The following FBXO5 variants were observed in gnomAD, a reference collection of about 807,000 sequenced individuals.
FBXO5 encodes the protein F-box only protein 5.
A neutral mutation model predicts 43.3 loss-of-function variants in FBXO5; 8 were observed. The ratio of observed to expected loss-of-function variants is 0.18; its 90% confidence interval spans 0.11 to 0.33. The LOEUF is 0.33. Ranked by LOEUF, FBXO5 falls within the 10% of genes least tolerant of loss-of-function variation. FBXO5 has a pLI of 1.00. For missense variants in FBXO5, 491 were observed against 535.7 expected (o/e 0.92, Z 0.82); for synonymous variants, 204 against 193.7 (o/e 1.05, Z -0.44).
At position 152,983,008 on chromosome 6, in the gene FBXO5, A is replaced by T; in HGVS notation, c.-49T>A. On this transcript the variant is annotated 5_prime_UTR_variant, in exon 1 of 5. Transcript: ENST00000229758. The stretch of plus-strand genomic sequence containing the variant: ...CAGGTGGAGGAACCGCTCCGGGGGC[A>T]GCTGAGCAACCTGCCTGCTTCACAG... 1 of 1,198,966 alleles carries T rather than the reference A, an allele frequency of 8.3e-7. No individual in the cohort carries two copies. The highest frequency in any genetic ancestry group is 1.1e-6 in the Non-Finnish European group (1 of 916,668). The allele number at this position is 1,198,966 out of a possible 1,614,324, so 74.3% of individuals were successfully genotyped here. A position where few individuals can be genotyped will look rare whatever the true frequency, so the allele number is the denominator to read the frequency against.
rs1778284582 is a variant in FBXO5 at position 152,982,850 on chromosome 6, C to T, written c.103+7G>A. The T allele has an allele frequency of 6.7e-7, 1 of 1,500,194 alleles. No individual in the cohort carries two copies. The highest frequency in any genetic ancestry group is 8.8e-7 in the Non-Finnish European group (1 of 1,130,760). The allele number at this position is 1,500,194 out of a possible 1,614,324, so 92.9% of individuals were successfully genotyped here. Reference sequence around the variant, plus strand: ...GCGCCCCCCTCGCGACCGCTCCCCTCACTCACTATCCGAGGGTCGAGGGCG... The same window carrying T: ...GCGCCCCCCTCGCGACCGCTCCCCTTACTCACTATCCGAGGGTCGAGGGCG... On this transcript the variant is annotated splice_region_variant and intron_variant, in intron 1 of 4. Coordinates refer to ENST00000229758, the MANE Select transcript of FBXO5 (RefSeq NM_012177.5).
Position 152,971,087 on chromosome 6 carries a change from T to C in FBXO5, c.*76A>G, listed in dbSNP as rs961340205. 39 of 1,425,782 alleles carry C rather than the reference T, an allele frequency of 2.7e-5. No homozygotes were observed. Among genetic ancestry groups the C allele is most frequent in the Non-Finnish European group, 2.7e-5 (29 of 1,068,094 alleles). The allele number at this position is 1,425,782 out of a possible 1,614,324, so 88.3% of individuals were successfully genotyped here. On this transcript the variant is annotated 3_prime_UTR_variant, in exon 5 of 5. Coordinates refer to ENST00000229758, the MANE Select transcript of FBXO5 (RefSeq NM_012177.5). Reference sequence around the variant, plus strand: ...TTCAACATAAAATTGAAAATCACAATACAATTTTTTTTAAGTTAAAACCTA... The same window carrying C: ...TTCAACATAAAATTGAAAATCACAACACAATTTTTTTTAAGTTAAAACCTA...
At chr6:152,973,198 C>T in intron 2 of FBXO5, 62 bp from the exon 3 acceptor site, 2 of 1,337,848 alleles carry the variant, frequency 1.5e-6, no homozygotes, top group East Asian at 2.3e-5. Context: ...AAGATGAATA[C>T]AGTAGAAAAA....
At chr6:152,975,676 AC>A in intron 1 of FBXO5, 55 bp from the exon 2 acceptor site, 1 of 1,145,680 alleles carries the variant, frequency 8.7e-7, no homozygotes, top group East Asian at 2.3e-5. Context: ...ACACATCCCT[AC>A]TTCTTAAATT....
At chr6:152,973,278 G>C in intron 2 of FBXO5, 142 bp from the exon 3 acceptor site, 1 of 653,946 alleles carries the variant, frequency 1.5e-6, no homozygotes, top group South Asian at 2.1e-5. Flanking sequence ...CAATTGCCTG[G>C]CGGTTTTAAC....
chr6:152,972,297 T>C lies in FBXO5; in HGVS notation c.1067A>G (p.Tyr356Cys). The C allele has an allele frequency of 6.2e-7, 1 of 1,611,168 alleles. No homozygotes were observed. Among genetic ancestry groups the C allele is most frequent in the Non-Finnish European group, 8.5e-7 (1 of 1,178,266 alleles). ...SNQGDQKGST[Y>C]SRHNEFSEVA... ...CTCAGAGAATTCATTGTGTCGACTA[T>C]AAGTAGAACCTTTCTGATCACCTTG... Residue 356 changes from tyrosine (Y) to cysteine (C), a missense_variant, in exon 4 of 5, where the codon TAT (tyrosine) becomes TGT (cysteine). Physicochemically the swap from Tyr to Cys is radical, Grantham distance 194 (BLOSUM62 -2). Transcript: ENST00000229758.
chr6:152,978,711 G>A (rs1348358728), intron 1 of FBXO5, among the ~76,000 whole-genome samples: 1 of 152,162 alleles, frequency 6.6e-6, no homozygotes, highest in Non-Finnish European at 1.5e-5. Flanking sequence ...ATTTAGGTAA[G>A]GTGCAGTGGC....
intron 1 of FBXO5, among the ~76,000 whole-genome samples, chr6:152,981,945 C>A (rs183036875): frequency 3.3e-3 from 495 of 152,258 alleles, no homozygotes; most frequent in Non-Finnish European, 5.1e-3. Flanking sequence ...CCATTCTCTG[C>A]AAGCTTTGAA....
chr6:152,981,495 TAA>T (rs1778256502), intron 1 of FBXO5, among the ~76,000 whole-genome samples: 1 of 152,164 alleles, frequency 6.6e-6, no homozygotes, highest in Non-Finnish European at 1.5e-5. Flanking sequence ...AAGTAATCTT[TAA>T]GAGAAAATTT....
At position 152,975,468 on chromosome 6, in the gene FBXO5, C is replaced by T; in HGVS notation, c.257G>A (p.Cys86Tyr). 2 of 1,614,034 alleles carry T rather than the reference C, an allele frequency of 1.2e-6. No individual in the cohort carries two copies. Among genetic ancestry groups the T allele is most frequent in the Non-Finnish European group, 1.7e-6 (2 of 1,180,004 alleles). The change falls in exon 2 of 5, where the codon TGC becomes TAC. Residue 86 changes from cysteine (C) to tyrosine (Y), a missense_variant. Transcript: ENST00000229758. Reference sequence around the variant, plus strand: ...TGACAGCCTTTCATAGTCTTTAATGCAGTCTTTACAGGAACCTTCCAAATA... The same window carrying T: ...TGACAGCCTTTCATAGTCTTTAATGTAGTCTTTACAGGAACCTTCCAAATA... Reference protein sequence around the residue: ...PAYLEGSCKDCIKDYERLSCI... With the variant: ...PAYLEGSCKDYIKDYERLSCI...
chr6:152,982,326 C>A (rs1778273475), intron 1 of FBXO5, among the ~76,000 whole-genome samples: 1 of 152,110 alleles, frequency 6.6e-6, no homozygotes, highest in South Asian at 2.1e-4. Context: ...TCTCCCGCGC[C>A]CGCCAGCAAG....
At position 152,975,205 on chromosome 6, in the gene FBXO5, G is replaced by T; in HGVS notation, c.520C>A (p.Gln174Lys). Residue 174 changes from glutamine to lysine, a missense_variant, in exon 2 of 5, where the codon CAA becomes AAA. Gln to Lys is a moderately conservative substitution (Grantham distance 53). Coordinates refer to ENST00000229758, the MANE Select transcript of FBXO5 (RefSeq NM_012177.5). ...CTTTGTATTTGTAGCAGGCAGGATT[G>T]TAGACTGTCACCGAAATTCTCCTCC... ...LLEENFGDSL[Q>K]SCLLQIQSPD... is the part of the protein sequence containing the mutation. 1.2e-6 allele frequency: 2 copies of T among 1,614,162 alleles called. No homozygotes were observed. Among genetic ancestry groups the T allele is most frequent in the Non-Finnish European group, 1.7e-6 (2 of 1,180,016 alleles).
intron 1 of FBXO5, among the ~76,000 whole-genome samples, chr6:152,976,158 G>A (rs886820460): frequency 6.6e-6 from 1 of 152,124 alleles, no homozygotes; most frequent in Non-Finnish European, 1.5e-5. Context: ...AGTACAGGAG[G>A]ACAAGGTATA....
intron 1 of FBXO5, 81 bp downstream of exon 1, chr6:152,982,776 G>T: frequency 1.0e-6 from 1 of 999,288 alleles, no homozygotes; most frequent in Non-Finnish European, 1.4e-6. Context: ...AGGGACGTCG[G>T]GTCAGGGTCT....
intron 4 of FBXO5, 27 bp from the exon 5 acceptor site, chr6:152,971,441 C>T: frequency 6.4e-7 from 1 of 1,567,920 alleles, no homozygotes. Flanking sequence ...AACCCATTAA[C>T]AAATTTCAGC....
chr6:152,971,881 C>T (rs956482112), intron 4 of FBXO5, among the ~76,000 whole-genome samples: 3 of 152,206 alleles, frequency 2.0e-5, no homozygotes, highest in Admixed American at 6.5e-5. Flanking sequence ...GCGGAAAATG[C>T]AAAATGTAGT....
At position 152,970,885 on chromosome 6, in the gene FBXO5, A is replaced by AT. The variant is rs571185293; in HGVS notation, c.*277dup. The AT allele has an allele frequency of 5.7e-4, 142 of 250,152 alleles. No individual in the cohort carries two copies. The highest frequency in any genetic ancestry group is 2.9e-3 in the South Asian group (26 of 8,922). 15.5% of individuals were successfully genotyped at this position (250,152 alleles called of 1,614,324 possible). A position where few individuals can be genotyped will look rare whatever the true frequency, so the allele number is the denominator to read the frequency against. On this transcript the variant is annotated 3_prime_UTR_variant, in exon 5 of 5. Coordinates refer to ENST00000229758, the MANE Select transcript of FBXO5 (RefSeq NM_012177.5). ...TTTCCTTTACCATAAAATTGAATCA[A>AT]TTTTTTTTTACCCTCAGTATCACTA...
intron 1 of FBXO5, among the ~76,000 whole-genome samples, chr6:152,981,131 C>G (rs1411892529): frequency 6.6e-6 from 1 of 152,162 alleles, no homozygotes; most frequent in Non-Finnish European, 1.5e-5. Flanking sequence ...CCTTGCTTAG[C>G]CTTTTGACTA....
At chr6:152,976,730 C>T (rs1048113744) in intron 1 of FBXO5, among the ~76,000 whole-genome samples, 3 of 152,262 alleles carry the variant, frequency 2.0e-5, no homozygotes, top group Non-Finnish European at 4.4e-5. Flanking sequence ...GGTTTTATTA[C>T]CACCCTGCTC....
Sources: allele counts gnomAD v4.1 joint callset (sites outside exome capture counted in the v4.1 genomes callset), GRCh38; gene constraint gnomAD v4.1.1; transcripts MANE v1.5; gene names NCBI Gene and HGNC (gene_info 2026-07-23, HGNC 2026-07-21).